The following CHM variants were observed in gnomAD, a reference collection of about 807,000 sequenced individuals.
The protein encoded by CHM is rab proteins geranylgeranyltransferase component A 1.
CHM carries 10 observed loss-of-function variants against 49.0 expected under a neutral mutation model. The ratio of observed to expected loss-of-function variants is 0.20; its 90% CI spans 0.13 to 0.35. The LOEUF is 0.35. Among genes scored for constraint, CHM ranks in the 10% least tolerant of loss-of-function variants. The pLI, the probability that CHM is intolerant of heterozygous loss-of-function variation, is 1.00. For synonymous variants in CHM, 184 were observed against 167.5 expected (o/e 1.10, Z -0.76); for missense variants, 455 against 478.4 (o/e 0.95, Z 0.46).
At chrX:86,007,285 T>C (rs1459301175) in intron 2 of CHM, among the ~76,000 whole-genome samples, 1 of 112,067 alleles carries the variant, frequency 8.9e-6, no homozygotes, top group African/African-American at 3.2e-5. Context: ...ACTTACATGT[T>C]AGACCTAAAA....
At chrX:85,945,420 T>A (rs932456841) in intron 8 of CHM, among the ~76,000 whole-genome samples, 1 of 96,275 alleles carries the variant, frequency 1.0e-5, no homozygotes, top group Admixed American at 1.1e-4. Flanking sequence ...TATAAAAATG[T>A]GTGGCATCTC....
At chrX:86,032,750 C>A (rs1934091660) in intron 1 of CHM, among the ~76,000 whole-genome samples, 1 of 111,625 alleles carries the variant, frequency 9.0e-6, no homozygotes, top group Non-Finnish European at 1.9e-5. Context: ...TTTGGCAAGT[C>A]ATTTTTATTA....
chrX:86,005,852 C>A (rs1932841087), intron 2 of CHM, among the ~76,000 whole-genome samples: 1 of 111,857 alleles, frequency 8.9e-6, no homozygotes. Flanking sequence ...GAGCTGGTAG[C>A]AATCCTTCTG....
chrX:85,906,800 G>T (rs1926615996), intron 9 of CHM, among the ~76,000 whole-genome samples: 1 of 111,987 alleles, frequency 8.9e-6, no homozygotes, highest in African/African-American at 3.2e-5. Context: ...CTCAAACTTG[G>T]TCTCACATTC....
At chrX:86,035,160 T>A (rs1444915034) in intron 1 of CHM, among the ~76,000 whole-genome samples, 1 of 112,197 alleles carries the variant, frequency 8.9e-6, no homozygotes, top group Non-Finnish European at 1.9e-5. Context: ...ACAGTTCGAA[T>A]AGTTTTACTG....
intron 2 of CHM, among the ~76,000 whole-genome samples, chrX:85,984,619 AAGCAT>A (rs930110470): frequency 3.6e-5 from 4 of 111,967 alleles, no homozygotes; most frequent in Non-Finnish European, 5.6e-5. Flanking sequence ...CACATGAGAA[AAGCAT>A]ATACTGACAA....
At position 85,913,343 on chromosome X, in the gene CHM, AGAAAGAAAGAAAGAAAGAAAG is replaced by A. The variant is rs1569411179; in HGVS notation, c.1167-2026_1167-2006del. 1.8e-3 allele frequency among the ~76,000 whole-genome samples: 131 copies of A among 74,534 alleles called. 7 individuals are homozygous for A. Among genetic ancestry groups the A allele is most frequent in the Non-Finnish European group, 2.7e-3 (94 of 35,206 alleles). 64.7% of individuals were successfully genotyped at this position (74,534 alleles called of 115,157 possible). ...AAAAAAAAAAAAAAAAAAGAAAGAAAGAAAGAAAGAAAGAAAGAAAGAAAGAAAGAAAGAAAGAAAGAAAAA... is the reference window on the plus strand; with the variant it reads ...AAAAAAAAAAAAAAAAAAGAAAGAAAAAAGAAAGAAAGAAAGAAAGAAAAA... On this transcript the variant is annotated intron_variant, in intron 8 of 14. Transcript: ENST00000357749.
intron 2 of CHM, among the ~76,000 whole-genome samples, chrX:85,986,166 C>T (rs1387110917): frequency 9.0e-6 from 1 of 111,400 alleles, no homozygotes; most frequent in East Asian, 2.8e-4. Context: ...CCAGGTTGGG[C>T]CCAGAGCACA....
intron 1 of CHM, among the ~76,000 whole-genome samples, chrX:86,033,853 G>T (rs868380306): frequency 1.6e-3 from 175 of 111,887 alleles, no homozygotes; most frequent in African/African-American, 5.1e-3. Flanking sequence ...ATTAGTAAAT[G>T]TAATTTAAAA....
chrX:85,954,235 C>T (rs191922922), intron 8 of CHM, among the ~76,000 whole-genome samples: 1 of 111,954 alleles, frequency 8.9e-6, no homozygotes, highest in Non-Finnish European at 1.9e-5. Context: ...TATTTTATTA[C>T]CCCAGTTAAA....
rs1923502650 is a variant in CHM at position 85,863,579 on chromosome X, A to C, written c.*1051T>G. The stretch of plus-strand genomic sequence containing the variant: ...TATAAAATACTACTTTAAAAAAGAA[A>C]TTTTCATTTAAAAAGCTTAATGCAA... On this transcript the variant is annotated 3_prime_UTR_variant, in exon 15 of 15. Coordinates refer to ENST00000357749, the MANE Select transcript of CHM (RefSeq NM_000390.4). 1 of 112,197 alleles carries C rather than the reference A, an allele frequency of 8.9e-6. No homozygotes were observed. Among genetic ancestry groups the C allele is most frequent in the Admixed American group, 9.5e-5 (1 of 10,552 alleles). The allele number at this position is 112,197 out of a possible 1,213,427, so 9.2% of individuals were successfully genotyped here.
intron 1 of CHM, among the ~76,000 whole-genome samples, chrX:86,035,345 G>A (rs765637758): frequency 2.7e-5 from 3 of 111,972 alleles, no homozygotes; most frequent in South Asian, 7.4e-4. Context: ...GATGAAAAAC[G>A]TAGCTAATTA....
At chrX:85,960,156 C>G (rs978141161) in intron 5 of CHM, among the ~76,000 whole-genome samples, 2 of 111,166 alleles carry the variant, frequency 1.8e-5, no homozygotes, top group Non-Finnish European at 3.8e-5. Context: ...AAAATAGTTA[C>G]TTCAAAAATC....
chrX:86,027,513 G>A lies in CHM; in HGVS notation c.94C>T (p.Arg32Trp), dbSNP rs1169868760. The change falls in exon 2 of 15, where the codon CGG (arginine) becomes TGG (tryptophan). Residue 32 changes from arginine (R) to tryptophan (W), a missense_variant. Coordinates refer to ENST00000357749, the MANE Select transcript of CHM (RefSeq NM_000390.4). Reference protein sequence around the residue: ...IIAAACSRSGRRVLHVDSRSY... With the variant: ...IIAAACSRSGWRVLHVDSRSY... ...TACGAATCAACATGCAGAACTCTCC[G>A]GCCACTTCTTGAACATGCAGCTGCA... is the stretch of plus-strand genomic sequence containing the variant. 3.3e-6 allele frequency: 4 copies of A among 1,208,761 alleles called. No individual in the cohort carries two copies. The highest frequency in any genetic ancestry group is 1.8e-5 in the South Asian group (1 of 56,864).
chrX:85,904,886 C>T (rs781301320), intron 9 of CHM, among the ~76,000 whole-genome samples: 1 of 111,677 alleles, frequency 9.0e-6, no homozygotes, highest in Non-Finnish European at 1.9e-5. Flanking sequence ...AGACTCCAAG[C>T]TCCCTTTTAA....
In CHM at chrX:85,861,301, T is replaced by A. The variant is rs1289483707; in HGVS notation, c.*3329A>T. 8.9e-6 allele frequency: 1 copy of A among 112,203 alleles called. No individual in the cohort carries two copies. The highest frequency in any genetic ancestry group is 1.9e-5 in the Non-Finnish European group (1 of 53,220). The allele number at this position is 112,203 out of a possible 1,213,427, so 9.2% of individuals were successfully genotyped here. A position where few individuals can be genotyped will look rare whatever the true frequency, so the allele number is the denominator to read the frequency against. ...TGAATAAAAGACAAATTATTCAATA[T>A]CAATAGCAGTAAATAACTTATTTGC... is the stretch of plus-strand genomic sequence containing the variant. On this transcript the variant is annotated 3_prime_UTR_variant, in exon 15 of 15. Coordinates refer to ENST00000357749, the MANE Select transcript of CHM (RefSeq NM_000390.4).
intron 2 of CHM, among the ~76,000 whole-genome samples, chrX:85,982,482 A>G (rs769671795): frequency 8.9e-6 from 1 of 112,507 alleles, no homozygotes; most frequent in Non-Finnish European, 1.9e-5. Context: ...ATTATTCTTC[A>G]TTACTCAGTC....
chrX:85,913,495 G>T (rs1927254022), intron 8 of CHM, among the ~76,000 whole-genome samples: 2 of 109,497 alleles, frequency 1.8e-5, no homozygotes, highest in Non-Finnish European at 3.8e-5. Flanking sequence ...ACGTCAGAAT[G>T]ATCCCACTGT....
At chrX:85,900,753 A>G (rs1188893856) in intron 10 of CHM, 44 bp from the exon 11 acceptor site, 3 of 972,365 alleles carry the variant, frequency 3.1e-6, no homozygotes, top group East Asian at 3.1e-5. Flanking sequence ...GATTCCATGG[A>G]TAAGTTTCGT....
Sources: allele counts gnomAD v4.1 joint callset (sites outside exome capture counted in the v4.1 genomes callset), GRCh38; gene constraint gnomAD v4.1.1; transcripts MANE v1.5; gene names NCBI Gene and HGNC (gene_info 2026-07-23, HGNC 2026-07-21).